Variants in MZT2B observed in about 807,000 individuals in gnomAD.
MZT2B encodes mitotic-spindle organizing protein 2B.
Under a neutral mutation model 12.1 loss-of-function variants are expected in MZT2B, and 11 were observed. That is an observed-to-expected ratio of 0.91 (90% confidence interval 0.57 to 1.50). The LOEUF (loss-of-function observed/expected upper bound fraction) is 1.50. Among genes scored for constraint, MZT2B ranks in the 40% most tolerant of loss-of-function variants. The pLI is 0.00. For synonymous variants in MZT2B, 85 were observed against 109.5 expected (o/e 0.78, Z 1.40); for missense variants, 209 against 227.7 (o/e 0.92, Z 0.53).
At chr2:130,186,046 T>G (rs1690047972) in intron 2 of MZT2B, among the ~76,000 whole-genome samples, 3 of 152,008 alleles carry the variant, frequency 2.0e-5, no homozygotes, top group Non-Finnish European at 4.4e-5. Context: ...ACAGATGGAA[T>G]GCTGAGAGCT....
downstream of MZT2B, chr2:130,195,045 A>G (rs1690369718): frequency 2.5e-6 from 4 of 1,610,198 alleles, no homozygotes; most frequent in South Asian, 4.4e-5. Context: ...CCTCCCATGC[A>G]AGACAATGGC....
At chr2:130,189,183 C>T (rs1052512778) in intron 2 of MZT2B, among the ~76,000 whole-genome samples, 3 of 152,140 alleles carry the variant, frequency 2.0e-5, no homozygotes, top group Non-Finnish European at 4.4e-5. Context: ...GCAGTGTACC[C>T]TCACGAGGGA....
chr2:130,204,613 C>A, the MZT2B span, among the ~76,000 whole-genome samples: 4 of 149,884 alleles, frequency 2.7e-5, no homozygotes, highest in South Asian at 4.3e-4. Flanking sequence ...ATTGCTTGAA[C>A]CTGGGAGGCG....
chr2:130,184,688 A>T, intron 2 of MZT2B: 2 of 985,414 alleles, frequency 2.0e-6, no homozygotes, highest in Non-Finnish European at 2.4e-6. Flanking sequence ...GAGATGAGCA[A>T]TTGAGGGGCA....
intron 2 of MZT2B, 48 bp downstream of exon 2, chr2:130,182,823 C>T (rs773851481): frequency 6.6e-5 from 90 of 1,365,254 alleles, no homozygotes; most frequent in Admixed American, 2.2e-4. Flanking sequence ...GGGTGGCGGG[C>T]GGGGAGGGGG....
downstream of MZT2B, chr2:130,192,207 G>A: frequency 6.5e-7 from 1 of 1,535,758 alleles, no homozygotes; most frequent in Non-Finnish European, 8.8e-7. Flanking sequence ...TCAAACAGAA[G>A]ACACCCTGTA....
downstream of MZT2B, among the ~76,000 whole-genome samples, chr2:130,194,830 A>C (rs2313994): frequency 2.0e-5 from 3 of 152,284 alleles, no homozygotes; most frequent in Admixed American, 6.5e-5. Flanking sequence ...GGTGTGTGCC[A>C]CCACACCCAG....
At chr2:130,196,041 T>C in the MZT2B span, 5 of 1,370,420 alleles carry the variant, frequency 3.6e-6, no homozygotes, top group Non-Finnish European at 4.9e-6. Flanking sequence ...GGCATATGCC[T>C]GTCTATCCCA....
At chr2:130,190,402 G>A (rs975031322) in intron 2 of MZT2B, 67 bp from the exon 3 acceptor site, 116 of 1,589,122 alleles carry the variant, frequency 7.3e-5, no homozygotes, top group Non-Finnish European at 9.6e-5. Flanking sequence ...CAAGGACCAC[G>A]AGTACAGCAG....
At chr2:130,198,385 A>C in the MZT2B span, 1 of 1,356,428 alleles carries the variant, frequency 7.4e-7, no homozygotes, top group Non-Finnish European at 1.0e-6. Flanking sequence ...CTTCAGCCCA[A>C]CGCTACTTCC....
chr2:130,201,332 C>T, the MZT2B span, among the ~76,000 whole-genome samples: 1 of 152,156 alleles, frequency 6.6e-6, no homozygotes, highest in Non-Finnish European at 1.5e-5. Flanking sequence ...GCTTAAACAG[C>T]AGGGTTTTAT....
Position 130,189,583 on chromosome 2 carries a change from C to T in MZT2B, c.320-886C>T, listed in dbSNP as rs1449840552. 2.6e-5 allele frequency among the ~76,000 whole-genome samples: 4 copies of T among 152,170 alleles called. No individual in the cohort carries two copies. The East Asian group carries it at 7.7e-4, about 29-fold the overall frequency. ...AGGGGAGAGCCCTGGCCAAGGCACT[C>T]CACATGGGGGTCTGTGACCCCACGG... On this transcript the variant is annotated intron_variant, in intron 2 of 2. Transcript: ENST00000281871.
intron 2 of MZT2B, among the ~76,000 whole-genome samples, chr2:130,185,754 C>T (rs1232575478): frequency 7.4e-6 from 1 of 134,282 alleles, no homozygotes; most frequent in Non-Finnish European, 1.6e-5. Context: ...CATAGAGGGG[C>T]CAGGAGGATT....
the MZT2B span, among the ~76,000 whole-genome samples, chr2:130,198,015 C>G: frequency 0.025 from 3,080 of 122,664 alleles, 775 homozygotes; most frequent in African/African-American, 0.083. Context: ...AAGGCTCCTG[C>G]AGCTCCTCAG....
At chr2:130,203,280 G>T in the MZT2B span, among the ~76,000 whole-genome samples, 1 of 152,206 alleles carries the variant, frequency 6.6e-6, no homozygotes, top group African/African-American at 2.4e-5. Context: ...TGGGAGTGCA[G>T]TGTGGGCTGG....
chr2:130,192,275 C>T, downstream of MZT2B: 2 of 1,297,782 alleles, frequency 1.5e-6, 1 homozygote, highest in Non-Finnish European at 2.1e-6. Context: ...TTCTCTGCAC[C>T]AGGCAGGGTG....
downstream of MZT2B, among the ~76,000 whole-genome samples, chr2:130,191,229 G>C (rs1277841449): frequency 6.6e-6 from 1 of 152,210 alleles, no homozygotes. Context: ...TGAGGGACAG[G>C]GTGGCTGTGT....
At chr2:130,183,915 G>T (rs1345846605) in intron 2 of MZT2B, 2 of 1,550,530 alleles carry the variant, frequency 1.3e-6, no homozygotes, top group Non-Finnish European at 1.7e-6. Flanking sequence ...TCTCTCTCCA[G>T]GCCCCCCGGG....
chr2:130,182,833 G>A (rs981915040), intron 2 of MZT2B, 58 bp downstream of exon 2: 4 of 1,409,308 alleles, frequency 2.8e-6, no homozygotes, highest in Admixed American at 4.8e-5. Context: ...CGGGGAGGGG[G>A]CAGGCGCGGC....
Sources: allele counts gnomAD v4.1 joint callset (sites outside exome capture counted in the v4.1 genomes callset), GRCh38; gene constraint gnomAD v4.1.1; transcripts MANE v1.5; gene names NCBI Gene and HGNC (gene_info 2026-07-23, HGNC 2026-07-21).